The following IL1R1 variants were observed in gnomAD, a reference collection of about 807,000 sequenced individuals.
IL1R1 encodes the protein interleukin 1 receptor type 1, also known as interleukin-1 receptor type 1.
Under a neutral mutation model 50.2 loss-of-function variants are expected in IL1R1, and 22 were observed. The ratio of observed to expected loss-of-function variants is 0.44; its 90% CI spans 0.31 to 0.63. The LOEUF (loss-of-function observed/expected upper bound fraction) is 0.63, where lower values mean the gene tolerates loss of function less well. Among genes scored for constraint, IL1R1 ranks in the 20% least tolerant of loss-of-function variants. The probability of loss-of-function intolerance (pLI) is 0.07; values close to 1 mark genes in which losing one functional copy is unlikely to be tolerated. For synonymous variants in IL1R1, 251 were observed against 236.7 expected, an observed-to-expected ratio of 1.06 and a Z score of -0.55; for missense variants, 509 against 676.2, an observed-to-expected ratio of 0.75 and a Z score of 2.74.
chr2:102,101,544 C>T (rs772640577), upstream of IL1R1, among the ~76,000 whole-genome samples: 3 of 152,280 alleles, frequency 2.0e-5, no homozygotes, highest in Non-Finnish European at 2.9e-5. Flanking sequence ...ACATACTGTA[C>T]GTGCTTCTTC....
chr2:102,158,693 A>G (rs1347312113), intron 3 of IL1R1, among the ~76,000 whole-genome samples: 2 of 152,176 alleles, frequency 1.3e-5, no homozygotes, highest in African/African-American at 2.4e-5. Context: ...GGTTGATTAT[A>G]TGGAATGTTG....
At chr2:102,082,482 CT>C (rs1679254938) in intron 1 of IL1R1, among the ~76,000 whole-genome samples, 1 of 152,126 alleles carries the variant, frequency 6.6e-6, no homozygotes, top group South Asian at 2.1e-4. Flanking sequence ...CATTAATTTA[CT>C]TGGTATAAGA....
intron 1 of IL1R1, among the ~76,000 whole-genome samples, chr2:102,079,915 G>C (rs1679134145): frequency 6.6e-6 from 1 of 152,070 alleles, no homozygotes; most frequent in South Asian, 2.1e-4. Context: ...ATAGAATTAA[G>C]AATTCAGAAA....
rs767046307 is a variant in IL1R1 at position 102,165,229 on chromosome 2, C to T, written c.411C>T (p.Asp137=). 19 of 1,607,526 alleles carry T rather than the reference C, an allele frequency of 1.2e-5. No individual in the cohort carries two copies. Among genetic ancestry groups the T allele is most frequent in the Middle Eastern group, 1.7e-4 (1 of 6,058 alleles). Residue 137 remains aspartate, a synonymous_variant, in exon 5 of 12, where the codon GAC becomes GAT. Coordinates refer to ENST00000410023, the MANE Select transcript of IL1R1 (RefSeq NM_000877.4). ...IFKQKLPVAG[D]GGLVCPYMEF... ...AGCAGAAACTACCCGTTGCAGGAGA[C>T]GGAGGACTTGTGTGCCCTTATATGG...
intron 1 of IL1R1, among the ~76,000 whole-genome samples, chr2:102,105,098 C>T (rs912781398): frequency 2.6e-5 from 4 of 152,084 alleles, no homozygotes; most frequent in Admixed American, 1.3e-4. Flanking sequence ...ATTAGGAGAA[C>T]GACTGTGATT....
At chr2:102,084,944 A>G (rs1268813345) in intron 1 of IL1R1, among the ~76,000 whole-genome samples, 1 of 152,184 alleles carries the variant, frequency 6.6e-6, no homozygotes, top group Non-Finnish European at 1.5e-5. Flanking sequence ...GTGTCCCGCA[A>G]TTTCATTCTG....
Position 102,174,609 on chromosome 2 carries a change from G to T in IL1R1, c.1014G>T (p.Met338Ile). The change falls in exon 10 of 12, where the codon ATG (methionine) becomes ATT (isoleucine). Residue 338 changes from methionine to isoleucine, a missense_variant. Transcript: ENST00000410023. ...IYPVTNFQKH[M>I]IGICVTLTVI... is the part of the protein sequence containing the mutation. Reference sequence around the variant, plus strand: ...TAGTCACTAATTTCCAGAAGCACATGATTGGTATATGTGTCACGTTGACAG... The same window carrying T: ...TAGTCACTAATTTCCAGAAGCACATTATTGGTATATGTGTCACGTTGACAG... The T allele has an allele frequency of 1.3e-6, 2 of 1,585,284 alleles. No individual in the cohort carries two copies. The highest frequency in any genetic ancestry group is 1.2e-5 in the South Asian group (1 of 84,528).
intron 1 of IL1R1, among the ~76,000 whole-genome samples, chr2:102,086,855 T>C (rs1679453035): frequency 6.6e-6 from 1 of 152,192 alleles, no homozygotes; most frequent in African/African-American, 2.4e-5. Context: ...ATACACAACA[T>C]GTGGACCTAC....
At chr2:102,130,180 A>G (rs1681953519) in intron 1 of IL1R1, among the ~76,000 whole-genome samples, 1 of 152,254 alleles carries the variant, frequency 6.6e-6, no homozygotes, top group South Asian at 2.1e-4. Context: ...GTACGTGTGT[A>G]TGAAAAAGAC....
At chr2:102,089,074 T>C (rs13412929) in intron 1 of IL1R1, among the ~76,000 whole-genome samples, 3,096 of 152,352 alleles carry the variant, frequency 0.02, 120 homozygotes, top group African/African-American at 0.071. Context: ...ATCATTTGTG[T>C]GTTCACTGGA....
Position 102,109,092 on chromosome 2 carries a change from C to T in IL1R1, c.-84+4220C>T, listed in dbSNP as rs138698189. Among the ~76,000 whole-genome samples the T allele has an allele frequency of 7.2e-3, 1,089 of 152,032 alleles. 9 individuals carry two copies. Among genetic ancestry groups the T allele is most frequent in the African/African-American group, 0.024 (1,012 of 41,426 alleles). On this transcript the variant is annotated intron_variant, in intron 1 of 10. Transcript: ENST00000409329. ...TTATTTTATTTTGCAGATTAAGAAA[C>T]GGAAGCACAGAGAGTGATTTGCTAG... is the stretch of plus-strand genomic sequence containing the variant.
At chr2:102,175,129 A>G (rs1361579546) in intron 10 of IL1R1, among the ~76,000 whole-genome samples, 9 of 152,068 alleles carry the variant, frequency 5.9e-5, no homozygotes, top group Non-Finnish European at 1.3e-4. Context: ...GCGAAAAAAA[A>G]AAAAGGAATA....
intron 3 of IL1R1, among the ~76,000 whole-genome samples, chr2:102,164,564 G>A (rs1356000606): frequency 1.3e-5 from 2 of 152,084 alleles, no homozygotes; most frequent in African/African-American, 4.8e-5. Context: ...AACTTGCCAG[G>A]GGTACAGCAC....
intron 1 of IL1R1, among the ~76,000 whole-genome samples, chr2:102,115,528 G>C (rs1681021785): frequency 6.6e-6 from 1 of 152,120 alleles, no homozygotes; most frequent in Admixed American, 6.6e-5. Flanking sequence ...TGAACAGCAG[G>C]GGAGAGAACT....
chr2:102,077,511 A>G (rs1168475378), intron 1 of IL1R1, among the ~76,000 whole-genome samples: 1 of 152,210 alleles, frequency 6.6e-6, no homozygotes, highest in Non-Finnish European at 1.5e-5. Flanking sequence ...TCTGTTCAAC[A>G]TGCTTGATCT....
At chr2:102,143,847 T>A (rs1682889133) in intron 1 of IL1R1, among the ~76,000 whole-genome samples, 1 of 152,214 alleles carries the variant, frequency 6.6e-6, no homozygotes, top group Non-Finnish European at 1.5e-5. Context: ...GCTTCTCAGA[T>A]GGCCACATTC....
At position 102,155,190 on chromosome 2, in the gene IL1R1, C is replaced by T. The variant is rs998861425; in HGVS notation, c.-7+1173C>T. Among the ~76,000 whole-genome samples, 7 of 152,340 alleles carry T rather than the reference C, an allele frequency of 4.6e-5. 1 individual carries two copies. In the South Asian group the frequency reaches 8.3e-4, roughly 18 times the overall value. ...TGTTATTTGTCATCAGAGCATGGGCCGGTTTCCAACAGCTAACATTTAGGA... is the reference window on the plus strand; with the variant it reads ...TGTTATTTGTCATCAGAGCATGGGCTGGTTTCCAACAGCTAACATTTAGGA... On this transcript the variant is annotated intron_variant, in intron 2 of 11. Coordinates refer to ENST00000410023, the MANE Select transcript of IL1R1 (RefSeq NM_000877.4).
intron 10 of IL1R1, among the ~76,000 whole-genome samples, chr2:102,175,120 C>T (rs1238252973): frequency 3.7e-5 from 5 of 134,046 alleles, no homozygotes; most frequent in East Asian, 2.0e-4. Flanking sequence ...TTAAACTTTG[C>T]GAAAAAAAAA....
intron 1 of IL1R1, among the ~76,000 whole-genome samples, chr2:102,144,203 G>A (rs1393116130): frequency 2.0e-5 from 3 of 152,242 alleles, no homozygotes; most frequent in African/African-American, 4.8e-5. Flanking sequence ...CGATGTTAAC[G>A]TTTATGCTAG....
Sources: gnomAD v4.1 joint callset for allele counts (sites outside exome capture counted in the v4.1 genomes callset) on GRCh38, gnomAD v4.1.1 for gene constraint, MANE v1.5 for transcripts, NCBI Gene and HGNC (gene_info 2026-07-23, HGNC 2026-07-21) for gene names.